SPA17: variants seen among roughly 807,000 people sequenced by gnomAD.
SPA17 encodes the protein sperm surface protein Sp17.
A neutral mutation model predicts 13.8 loss-of-function variants in SPA17; 7 were observed. That is an observed-to-expected ratio of 0.51 (90% CI 0.29 to 0.95). The LOEUF (loss-of-function observed/expected upper bound fraction) is 0.95. Ranked by LOEUF, SPA17 falls within the 40% of genes least tolerant of loss-of-function variation. The pLI is 0.08. For missense variants in SPA17, 170 were observed against 179.3 expected (o/e 0.95, Z 0.30); for synonymous variants, 61 against 59.0 (o/e 1.03, Z -0.16).
At chr11:124,688,093 A>G (rs937241832) in intron 3 of SPA17, among the ~76,000 whole-genome samples, 11 of 152,222 alleles carry the variant, frequency 7.2e-5, no homozygotes, top group African/African-American at 2.7e-4. Context: ...AGCTCACTGC[A>G]GCCTTGGCCT....
intron 3 of SPA17, among the ~76,000 whole-genome samples, chr11:124,686,190 T>TGGGGGGGGG (rs60389113): frequency 1.3e-5 from 1 of 74,858 alleles, no homozygotes; most frequent in Non-Finnish European, 2.7e-5. Context: ...GAATCATGGG[T>TGGGGGGGGG]GGGGGGGGGG....
intron 3 of SPA17, among the ~76,000 whole-genome samples, chr11:124,682,309 GTC>G (rs1384960314): frequency 6.6e-6 from 1 of 152,088 alleles, no homozygotes; most frequent in Admixed American, 6.6e-5. Flanking sequence ...GAAATTCAGA[GTC>G]TCACAGGAAA....
rs558932634 is a variant in SPA17 at position 124,683,312 on chromosome 11, G to A, written c.225+1853G>A. The stretch of plus-strand genomic sequence containing the variant: ...AAAGTATAAAACTCACTGTTAAAGC[G>A]ACCACACAAAGGAGGAACAGAAATG... On this transcript the variant is annotated intron_variant, in intron 3 of 4. Transcript: ENST00000227135. Among the ~76,000 whole-genome samples the A allele has an allele frequency of 3.9e-5, 6 of 152,026 alleles. No homozygotes were observed. The East Asian group carries it at 5.8e-4, about 15-fold the overall frequency.
chr11:124,674,880 G>A (rs1591401028), intron 1 of SPA17: 2 of 152,396 alleles, frequency 1.3e-5, no homozygotes, highest in Admixed American at 1.3e-4. Flanking sequence ...CTCAGCAATT[G>A]ACAATGAATT....
chr11:124,693,289 A>G (rs1413413982), intron 4 of SPA17, among the ~76,000 whole-genome samples: 1 of 152,162 alleles, frequency 6.6e-6, no homozygotes. Flanking sequence ...AGCAACCCAA[A>G]GGTCCATTAA....
At position 124,694,602 on chromosome 11, in the gene SPA17, A is replaced by C. The variant is rs1024619912; in HGVS notation, c.*156A>C. On this transcript the variant is annotated 3_prime_UTR_variant, in exon 5 of 5. Coordinates refer to ENST00000227135, the MANE Select transcript of SPA17 (RefSeq NM_017425.4). The stretch of plus-strand genomic sequence containing the variant: ...TGTCATGAGCATTTGTTTAATAAGC[A>C]TACCATTGAAACATGCCACTTGAAG... The C allele has an allele frequency of 2.1e-6, 2 of 975,538 alleles. No homozygotes were observed. Among genetic ancestry groups the C allele is most frequent in the Non-Finnish European group, 3.0e-6 (2 of 675,544 alleles). The allele number at this position is 975,538 out of a possible 1,614,324, so 60.4% of individuals were successfully genotyped here. A position where few individuals can be genotyped will look rare whatever the true frequency, so the allele number is the denominator to read the frequency against.
At chr11:124,691,264 C>T (rs780998014) in intron 3 of SPA17, among the ~76,000 whole-genome samples, 6 of 152,110 alleles carry the variant, frequency 3.9e-5, no homozygotes, top group Non-Finnish European at 5.9e-5. Context: ...AATCCATAAA[C>T]GTCACTAAAA....
chr11:124,695,237 A>AG lies in SPA17; in HGVS notation c.*792dup, dbSNP rs1943659957. On this transcript the variant is annotated 3_prime_UTR_variant, in exon 5 of 5. Coordinates refer to ENST00000227135, the MANE Select transcript of SPA17 (RefSeq NM_017425.4). The stretch of plus-strand genomic sequence containing the variant: ...TACTATTCATGTGCTGGGAATTAGT[A>AG]GTGAATACTTGTTCTTACACTCATA... 1 of 152,250 alleles carries AG rather than the reference A, an allele frequency of 6.6e-6. No homozygotes were observed. Among genetic ancestry groups the AG allele is most frequent in the Non-Finnish European group, 1.5e-5 (1 of 68,056 alleles). 9.4% of individuals were successfully genotyped at this position (152,250 alleles called of 1,614,324 possible). A position where few individuals can be genotyped will look rare whatever the true frequency, so the allele number is the denominator to read the frequency against.
In SPA17 at chr11:124,695,179, A is replaced by C. The variant is rs1320935751; in HGVS notation, c.*733A>C. 6.6e-6 allele frequency: 1 copy of C among 152,218 alleles called. No homozygotes were observed. Among genetic ancestry groups the C allele is most frequent in the Non-Finnish European group, 1.5e-5 (1 of 68,048 alleles). 9.4% of individuals were successfully genotyped at this position (152,218 alleles called of 1,614,324 possible). A position where few individuals can be genotyped will look rare whatever the true frequency, so the allele number is the denominator to read the frequency against. ...ACCCACTGGTTTTCATTTATCATAC[A>C]TGTATTCAATCATTTATTGAAAATG... On this transcript the variant is annotated 3_prime_UTR_variant, in exon 5 of 5. Transcript: ENST00000227135.
intron 1 of SPA17, chr11:124,674,661 ACACAGCCCC>A (rs1943435253): frequency 6.6e-6 from 1 of 152,254 alleles, no homozygotes; most frequent in African/African-American, 2.4e-5. Context: ...AAATCATGAC[ACACAGCCCC>A]ATCCCATCCC....
chr11:124,681,310 A>G, intron 2 of SPA17, 79 bp from the exon 3 acceptor site: 1 of 1,183,794 alleles, frequency 8.4e-7, no homozygotes, highest in Non-Finnish European at 1.2e-6. Flanking sequence ...GAAACAAGAA[A>G]CTTACATTTG....
At chr11:124,675,505 G>A (rs1485803728) in intron 2 of SPA17, 87 bp downstream of exon 2, 2 of 1,445,002 alleles carry the variant, frequency 1.4e-6, no homozygotes, top group Non-Finnish European at 9.3e-7. Flanking sequence ...TCTCCATTCT[G>A]CAGAAAGCCT....
At position 124,681,516 on chromosome 11, in the gene SPA17, C is replaced by G. The variant is rs1943530579; in HGVS notation, c.225+57C>G. On this transcript the variant is annotated intron_variant, in intron 3 of 4. Transcript: ENST00000227135. Reference sequence around the variant, plus strand: ...ATTTCTTCTCTCTGTCTACAGCTAGCAATTATTAGGCTATCCCCAGAATTG... The same window carrying G: ...ATTTCTTCTCTCTGTCTACAGCTAGGAATTATTAGGCTATCCCCAGAATTG... The G allele has an allele frequency of 4.5e-6, 6 of 1,336,786 alleles. No individual in the cohort carries two copies. In the African/African-American group the frequency reaches 8.9e-5, roughly 20 times the overall value. 82.8% of individuals were successfully genotyped at this position (1,336,786 alleles called of 1,614,324 possible). A position where few individuals can be genotyped will look rare whatever the true frequency, so the allele number is the denominator to read the frequency against.
chr11:124,689,483 T>A (rs188847109), intron 3 of SPA17, among the ~76,000 whole-genome samples: 2 of 151,980 alleles, frequency 1.3e-5, no homozygotes, highest in East Asian at 3.9e-4. Flanking sequence ...AAATAAGTAA[T>A]CTGATTAAAA....
chr11:124,686,339 C>G (rs1943578688), intron 3 of SPA17, among the ~76,000 whole-genome samples: 1 of 152,178 alleles, frequency 6.6e-6, no homozygotes. Flanking sequence ...AATTAAACCT[C>G]TTTTCTTTAT....
intron 3 of SPA17, among the ~76,000 whole-genome samples, chr11:124,686,728 A>T (rs1368725343): frequency 9.3e-5 from 10 of 107,196 alleles, no homozygotes; most frequent in African/African-American, 4.8e-4. Flanking sequence ...ACAGAAATTT[A>T]AAAAAAACTG....
intron 3 of SPA17, among the ~76,000 whole-genome samples, chr11:124,683,721 AAAC>A (rs1221946333): frequency 6.6e-6 from 1 of 151,876 alleles, no homozygotes; most frequent in African/African-American, 2.4e-5. Flanking sequence ...AAACAGTAGA[AAAC>A]AACAACAAAC....
At chr11:124,686,163 A>T (rs1943575820) in intron 3 of SPA17, among the ~76,000 whole-genome samples, 2 of 98,192 alleles carry the variant, frequency 2.0e-5, no homozygotes, top group Admixed American at 1.4e-4. Context: ...CATGGGAGGG[A>T]TCTCGTGGAG....
In SPA17 at chr11:124,682,749, C is replaced by T. The variant is rs180906163; in HGVS notation, c.225+1290C>T. ...AGACATTTGGGACAACATAAAGCAGCTGAATATTTGAATTATTGGTATCCG... is the reference window on the plus strand; with the variant it reads ...AGACATTTGGGACAACATAAAGCAGTTGAATATTTGAATTATTGGTATCCG... On this transcript the variant is annotated intron_variant, in intron 3 of 4. Transcript: ENST00000227135. 2.2e-3 allele frequency among the ~76,000 whole-genome samples: 342 copies of T among 152,014 alleles called. 1 individual carries two copies. Among genetic ancestry groups the T allele is most frequent in the African/African-American group, 7.4e-3 (305 of 41,492 alleles).
Sources: allele counts gnomAD v4.1 joint callset (sites outside exome capture counted in the v4.1 genomes callset), GRCh38; gene constraint gnomAD v4.1.1; transcripts MANE v1.5; gene names NCBI Gene and HGNC (gene_info 2026-07-23, HGNC 2026-07-21).